Variants in GIT2 observed in about 807,000 individuals in gnomAD.
The protein encoded by GIT2 is GIT ArfGAP 2.
GIT2 carries 32 observed loss-of-function variants against 100.3 expected under a neutral mutation model. The ratio of observed to expected loss-of-function variants is 0.32; its 90% CI spans 0.24 to 0.43. The LOEUF is 0.43. GIT2 is among the 20% of genes least tolerant of loss of function. GIT2 has a pLI of 1.00. For synonymous variants in GIT2, 353 were observed against 364.1 expected, an observed-to-expected ratio of 0.97 and a Z score of 0.35; for missense variants, 737 against 975.1, an observed-to-expected ratio of 0.76 and a Z score of 3.25.
Position 109,938,400 on chromosome 12 carries a change from G to C in GIT2, c.1983C>G (p.Ala661=), listed in dbSNP as rs1462443674. The C allele has an allele frequency of 6.2e-7, 1 of 1,613,114 alleles. No individual in the cohort carries two copies. Among genetic ancestry groups the C allele is most frequent in the Non-Finnish European group, 8.5e-7 (1 of 1,179,474 alleles). Residue 661 remains alanine, a synonymous_variant, in exon 18 of 20, where the codon GCC becomes GCG. Coordinates refer to ENST00000355312, the MANE Select transcript of GIT2 (RefSeq NM_057169.5). ...TKNIQELLRA[A]QENKHDSYIP... ...CTTACCTGTCATGTTTATTTTCTTGGGCTGCTCTTAAGAGCTCCTGTATGT... is the reference window on the plus strand; with the variant it reads ...CTTACCTGTCATGTTTATTTTCTTGCGCTGCTCTTAAGAGCTCCTGTATGT...
chr12:109,961,293 T>G lies in GIT2; in HGVS notation c.972A>C (p.Ser324=), dbSNP rs1267451593. Residue 324 remains serine (S), a synonymous_variant, in exon 11 of 20, where the codon TCA becomes TCC. Coordinates refer to ENST00000355312, the MANE Select transcript of GIT2 (RefSeq NM_057169.5). ...AGCCACTTGCCTGATTTCGTGTTGA[T>G]GAGTACTCAGGATTGACCGGAAGAA... is the stretch of plus-strand genomic sequence containing the variant. ...VPFLPVNPEY[S]STRNQGRQKL... 6.2e-7 allele frequency: 1 copy of G among 1,605,168 alleles called. No homozygotes were observed. The highest frequency in any genetic ancestry group is 8.5e-7 in the Non-Finnish European group (1 of 1,171,978).
upstream of GIT2, chr12:109,998,288 T>A (rs990802731): frequency 2.6e-5 from 4 of 152,238 alleles, no homozygotes; most frequent in African/African-American, 9.6e-5. Flanking sequence ...CATCCTGTTT[T>A]GGTTTAACAA....
chr12:109,983,964 A>AGAACCTGAGT, intron 4 of GIT2: 1 of 414,512 alleles, frequency 2.4e-6, no homozygotes, highest in East Asian at 4.6e-5. Flanking sequence ...TGGCACAACC[A>AGAACCTGAGT]GAACCTGAGT....
chr12:109,951,337 C>T (rs779773562), intron 13 of GIT2, 21 bp from the exon 14 acceptor site: 18 of 1,582,924 alleles, frequency 1.1e-5, no homozygotes, highest in South Asian at 7.8e-5. Context: ...ATTGGGAAAA[C>T]GTTCACAATC....
Position 109,983,779 on chromosome 12 carries a change from T to C in GIT2, c.406-85A>G. ...GGGCAGCTGATAGACCATTTTAATA[T>C]ATGTTACATCAGTAACGCATAATCT... is the stretch of plus-strand genomic sequence containing the variant. On this transcript the variant is annotated intron_variant, in intron 4 of 19. Coordinates refer to ENST00000355312, the MANE Select transcript of GIT2 (RefSeq NM_057169.5). 3.8e-6 allele frequency: 3 copies of C among 799,024 alleles called. No individual in the cohort carries two copies. The Admixed American group carries it at 6.7e-5, about 18-fold the overall frequency. 49.5% of individuals were successfully genotyped at this position (799,024 alleles called of 1,614,324 possible).
chr12:109,944,512 A>G (rs1875728513), intron 16 of GIT2, among the ~76,000 whole-genome samples: 1 of 152,238 alleles, frequency 6.6e-6, no homozygotes, highest in Non-Finnish European at 1.5e-5. Context: ...CTTTGGGAGC[A>G]GGGGCTGTGC....
intron 14 of GIT2, chr12:109,949,178 C>T (rs1230205835): frequency 6.0e-6 from 2 of 334,356 alleles, no homozygotes. Flanking sequence ...CAGCCCTGAA[C>T]ATTTCTACAT....
In GIT2 at chr12:109,981,046, C is replaced by T; in HGVS notation, c.624G>A (p.Arg208=). ...CTGCCAGCTCATGGTGCCCTCCTTG[C>T]CTACCAAGAGAAAACAAAGTACCAT... ...SSGKTPVDYA[R]QGGHHELAER... is the part of the protein sequence containing the mutation. Residue 208 remains arginine, a splice_region_variant and synonymous_variant, in exon 7 of 20, where the codon AGG becomes AGA. Coordinates refer to ENST00000355312, the MANE Select transcript of GIT2 (RefSeq NM_057169.5). 3 of 1,600,052 alleles carry T rather than the reference C, an allele frequency of 1.9e-6. No homozygotes were observed. The highest frequency in any genetic ancestry group is 2.6e-6 in the Non-Finnish European group (3 of 1,167,114).
At chr12:109,978,113 C>T (rs967359400) in intron 7 of GIT2, among the ~76,000 whole-genome samples, 13 of 103,542 alleles carry the variant, frequency 1.3e-4, no homozygotes, top group South Asian at 3.4e-4. Flanking sequence ...GACGGAGTTT[C>T]GCTCTGTTGC....
chr12:109,990,528 G>A (rs1214083621), intron 2 of GIT2, among the ~76,000 whole-genome samples: 1 of 152,178 alleles, frequency 6.6e-6, no homozygotes, highest in Non-Finnish European at 1.5e-5. Flanking sequence ...AGCCCCATCT[G>A]TTTTTTACAG....
At chr12:109,959,802 T>G (rs1320957926) in intron 12 of GIT2, 45 bp downstream of exon 12, 1 of 1,153,684 alleles carries the variant, frequency 8.7e-7, no homozygotes, top group Non-Finnish European at 1.3e-6. Context: ...TGAGTCAAAT[T>G]TAGAGGGCCA....
rs748658596 is a variant in GIT2 at position 109,991,697 on chromosome 12, C to T, written c.116G>A (p.Arg39Gln). Residue 39 changes from arginine to glutamine, a missense_variant, in exon 2 of 20, where the codon CGG (arginine) becomes CAG (glutamine). This residue lies in a region of GIT2 where 266 missense variants were observed against 376.2 expected (regional missense o/e 0.71). Coordinates refer to ENST00000355312, the MANE Select transcript of GIT2 (RefSeq NM_057169.5). ...FLCDECCSVH[R>Q]SLGRHISQVR... is the part of the protein sequence containing the mutation. ...TTGGGAGATATGGCGCCCTAGACTC[C>T]GATGGACACTGCAGCACTCATCACA... 1.9e-6 allele frequency: 3 copies of T among 1,612,370 alleles called. No individual in the cohort carries two copies. The highest frequency in any genetic ancestry group is 1.1e-5 in the South Asian group (1 of 91,040).
chr12:109,961,550 C>G (rs1881094505), intron 10 of GIT2, 63 bp downstream of exon 10: 1 of 1,112,174 alleles, frequency 9.0e-7, no homozygotes, highest in Non-Finnish European at 1.4e-6. Context: ...AAACACTGAG[C>G]CTGGCAGCTT....
chr12:109,972,630 A>AT (rs1884177418), intron 7 of GIT2, among the ~76,000 whole-genome samples: 1 of 151,644 alleles, frequency 6.6e-6, no homozygotes, highest in African/African-American at 2.4e-5. Context: ...TGCCCAGTTA[A>AT]TTTTGTATTT....
chr12:109,989,794 C>G lies in GIT2; in HGVS notation c.195G>C (p.Glu65Asp), dbSNP rs754899990. The G allele has an allele frequency of 1.9e-6, 3 of 1,569,152 alleles. No homozygotes were observed. The highest frequency in any genetic ancestry group is 2.6e-6 in the Non-Finnish European group (3 of 1,139,540). Reference protein sequence around the residue: ...PWPPTLLQMVETLYNNGANSI... With the variant: ...PWPPTLLQMVDTLYNNGANSI... ...AGTTAGCACCGTTATTATACAAGGT[C>G]TCAACCATCTAAAACCAAGCAGGAT... is the stretch of plus-strand genomic sequence containing the variant. The change falls in exon 3 of 20, where the codon GAG becomes GAC. Residue 65 changes from glutamate to aspartate, a missense_variant. This residue lies in a region of GIT2 where 266 missense variants were observed against 376.2 expected (regional missense o/e 0.71). Transcript: ENST00000355312.
chr12:109,938,442 A>G lies in GIT2; in HGVS notation c.1941T>C (p.Thr647=). Reference sequence around the variant, plus strand: ...CCTGTATGTTTTTGGTGATCTGTTCAGTCTTCCTGATGACATCTTCGGTGC... The same window carrying G: ...CCTGTATGTTTTTGGTGATCTGTTCGGTCTTCCTGATGACATCTTCGGTGC... ...LPSTEDVIRK[T]EQITKNIQEL... Residue 647 remains threonine (T), a synonymous_variant, in exon 18 of 20, where the codon ACT becomes ACC. Transcript: ENST00000355312. 1.9e-6 allele frequency: 3 copies of G among 1,614,010 alleles called. No individual in the cohort carries two copies. Among genetic ancestry groups the G allele is most frequent in the Non-Finnish European group, 2.5e-6 (3 of 1,179,918 alleles).
At chr12:109,940,920 A>G (rs1217340288) in intron 16 of GIT2, among the ~76,000 whole-genome samples, 1 of 151,102 alleles carries the variant, frequency 6.6e-6, no homozygotes, top group Non-Finnish European at 1.5e-5. Context: ...CCAAAAAGAA[A>G]AAAAAAAAAA....
intron 15 of GIT2, 134 bp from the exon 16 acceptor site, chr12:109,945,483 C>CAGTG: frequency 1.5e-6 from 1 of 647,552 alleles, no homozygotes. Flanking sequence ...CAGTGGCCAC[C>CAGTG]AGTGACAGGA....
intron 14 of GIT2, among the ~76,000 whole-genome samples, chr12:109,949,358 G>T (rs1877217571): frequency 6.6e-6 from 1 of 152,314 alleles, no homozygotes; most frequent in South Asian, 2.1e-4. Flanking sequence ...AAGCCTCTGT[G>T]GCAGTTATTT....
Sources: gnomAD v4.1 joint callset for allele counts (sites outside exome capture counted in the v4.1 genomes callset) on GRCh38, gnomAD v4.1.1 for gene constraint, gnomAD v4.1.1 regional missense constraint, MANE v1.5 for transcripts, NCBI Gene and HGNC (gene_info 2026-07-23, HGNC 2026-07-21) for gene names.